MYO9A: variants seen among roughly 807,000 people sequenced by gnomAD.
The protein encoded by MYO9A is myosin IXA.
MYO9A carries 103 observed loss-of-function variants against 293.3 expected under a neutral mutation model. The ratio of observed to expected loss-of-function variants is 0.35; its 90% CI spans 0.30 to 0.41. The LOEUF (loss-of-function observed/expected upper bound fraction) is 0.41, where lower values mean the gene tolerates loss of function less well. MYO9A is among the 10% of genes least tolerant of loss of function. The probability of loss-of-function intolerance (pLI) is 1.00; values close to 1 mark genes in which losing one functional copy is unlikely to be tolerated. For synonymous variants in MYO9A, 1,001 were observed against 1,035.7 expected (o/e 0.97, Z 0.64); for missense variants, 2,685 against 3,033.0 (o/e 0.89, Z 2.69).
intron 1 of MYO9A, among the ~76,000 whole-genome samples, chr15:72,048,614 T>C (rs1273469831): frequency 6.6e-6 from 1 of 152,168 alleles, no homozygotes; most frequent in Admixed American, 6.5e-5. Context: ...CCCCTGAACC[T>C]CTGTTAATTA....
In MYO9A at chr15:71,968,132, T is replaced by TAA; in HGVS notation, c.1845-9_1845-8dup. 3 of 1,407,720 alleles carry TAA rather than the reference T, an allele frequency of 2.1e-6. No individual in the cohort carries two copies. Among genetic ancestry groups the TAA allele is most frequent in the South Asian group, 1.4e-5 (1 of 72,852 alleles). The allele number at this position is 1,407,720 out of a possible 1,614,324, so 87.2% of individuals were successfully genotyped here. On this transcript the variant is annotated splice_polypyrimidine_tract_variant and splice_region_variant and intron_variant, in intron 12 of 41. Transcript: ENST00000356056. ...ATTTGTAGCCTGTGGAAAGCTGAATTAAAAAAAAAAGAAAAAATATCATTA... is the reference window on the plus strand; with the variant it reads ...ATTTGTAGCCTGTGGAAAGCTGAATTAAAAAAAAAAAAGAAAAAATATCATTA...
chr15:71,921,894 T>C (rs1440554335), intron 18 of MYO9A, among the ~76,000 whole-genome samples: 1 of 152,196 alleles, frequency 6.6e-6, no homozygotes, highest in African/African-American at 2.4e-5. Flanking sequence ...TAGCCCCTAA[T>C]GCTTTCTTTG....
At chr15:72,059,512 A>G (rs1431585253) in intron 1 of MYO9A, among the ~76,000 whole-genome samples, 1 of 152,194 alleles carries the variant, frequency 6.6e-6, no homozygotes, top group East Asian at 1.9e-4. Context: ...ATCTGTGTAG[A>G]ATGGGTGTTT....
chr15:71,982,112 C>T (rs965241074), intron 11 of MYO9A, among the ~76,000 whole-genome samples: 4 of 138,536 alleles, frequency 2.9e-5, no homozygotes, highest in African/African-American at 5.3e-5. Context: ...CTCCGCCTCG[C>T]GGGTTCACAC....
rs765264146 is a variant in MYO9A at position 71,906,758 on chromosome 15, C to CTTTCTTTTTTTTTTTT, written c.2686-1753_2686-1752insAAAAAAAAAAAAGAAA. ...CCAATCAGATAATATCCATTTCTTT[C>CTTTCTTTTTTTTTTTT]TTTTTTTTTTTTTTTTTTTTCCTGA... On this transcript the variant is annotated intron_variant, in intron 19 of 41. Transcript: ENST00000356056. Among the ~76,000 whole-genome samples, 29 of 61,034 alleles carry CTTTCTTTTTTTTTTTT rather than the reference C, an allele frequency of 4.8e-4. 2 individuals are homozygous for CTTTCTTTTTTTTTTTT. The highest frequency in any genetic ancestry group is 7.0e-4 in the South Asian group (1 of 1,432). The allele number at this position is 61,034 out of a possible 152,430, so 40.0% of individuals were successfully genotyped here. A position where few individuals can be genotyped will look rare whatever the true frequency, so the allele number is the denominator to read the frequency against.
chr15:72,028,180 G>C (rs890318009), intron 3 of MYO9A, among the ~76,000 whole-genome samples: 9 of 144,190 alleles, frequency 6.2e-5, no homozygotes, highest in African/African-American at 1.8e-4. Flanking sequence ...CTGGGTGACA[G>C]AGTGAGAATC....
intron 25 of MYO9A, among the ~76,000 whole-genome samples, chr15:71,895,294 T>C (rs964326330): frequency 1.3e-5 from 2 of 152,258 alleles, no homozygotes; most frequent in Non-Finnish European, 2.9e-5. Flanking sequence ...TTGATAGTAC[T>C]TGACCACTGC....
At chr15:71,930,047 A>C (rs2058432047) in intron 18 of MYO9A, among the ~76,000 whole-genome samples, 1 of 152,172 alleles carries the variant, frequency 6.6e-6, no homozygotes, top group African/African-American at 2.4e-5. Flanking sequence ...GTGTTGCATC[A>C]TGAAACTATC....
intron 15 of MYO9A, among the ~76,000 whole-genome samples, chr15:71,942,947 T>C (rs1447531351): frequency 6.6e-6 from 1 of 152,062 alleles, no homozygotes; most frequent in African/African-American, 2.4e-5. Context: ...TGAGCATCTG[T>C]TCAGATTACT....
rs9920476 is a variant in MYO9A, at chr15:71,878,945, C to T, written c.5740-714G>A. ...CTAATTTTTGTATTTTTATTAGAGA[C>T]GGGGTTTTACCATATTGCCCAGGCT... On this transcript the variant is annotated intron_variant, in intron 30 of 41. Coordinates refer to ENST00000356056, the MANE Select transcript of MYO9A (RefSeq NM_006901.4). 5.7e-3 allele frequency among the ~76,000 whole-genome samples: 863 copies of T among 151,726 alleles called. 12 individuals carry two copies. The highest frequency in any genetic ancestry group is 0.02 in the African/African-American group (812 of 41,346).
chr15:72,112,367 A>T (rs2080809454), intron 1 of MYO9A, among the ~76,000 whole-genome samples: 1 of 152,206 alleles, frequency 6.6e-6, no homozygotes, highest in African/African-American at 2.4e-5. Flanking sequence ...AACATAATTC[A>T]CATTAAAACC....
intron 39 of MYO9A, among the ~76,000 whole-genome samples, chr15:71,838,004 G>C (rs2055007879): frequency 6.6e-6 from 1 of 152,004 alleles, no homozygotes; most frequent in African/African-American, 2.4e-5. Flanking sequence ...ATATTCTCTT[G>C]TAGTGTTTTT....
intron 2 of MYO9A, among the ~76,000 whole-genome samples, chr15:72,039,428 A>T (rs2078159048): frequency 6.6e-6 from 1 of 151,958 alleles, no homozygotes; most frequent in South Asian, 2.1e-4. Flanking sequence ...AGTGTCTTTA[A>T]AATTTTTGTT....
At chr15:71,879,981 G>C (rs2056823327) in intron 29 of MYO9A, 144 bp from the exon 30 acceptor site, 1 of 624,632 alleles carries the variant, frequency 1.6e-6, no homozygotes, top group East Asian at 2.7e-5. Flanking sequence ...TGAAAGTTAT[G>C]ACTAGACAGT....
intron 11 of MYO9A, among the ~76,000 whole-genome samples, chr15:71,980,479 A>G (rs1393154920): frequency 6.6e-6 from 1 of 152,180 alleles, no homozygotes; most frequent in African/African-American, 2.4e-5. Context: ...ACAAAGAAAA[A>G]ACATTTTCCT....
chr15:72,004,657 G>T (rs12911278), intron 8 of MYO9A, among the ~76,000 whole-genome samples: 1,918 of 152,246 alleles, frequency 0.013, 18 homozygotes, highest in East Asian at 0.025. Flanking sequence ...ACAGTTTTTG[G>T]TAATGATGAT....
chr15:71,986,800 T>A (rs1457242152), intron 11 of MYO9A, among the ~76,000 whole-genome samples: 1 of 152,172 alleles, frequency 6.6e-6, no homozygotes, highest in African/African-American at 2.4e-5. Context: ...AGTAAAAACA[T>A]TACAGTAGGC....
rs1313385835 is a variant in MYO9A at position 71,904,108 on chromosome 15, T to C, written c.2767-69A>G. 6.6e-6 allele frequency: 8 copies of C among 1,212,126 alleles called. No individual in the cohort carries two copies. In the East Asian group the frequency reaches 1.7e-4, roughly 26 times the overall value. 75.1% of individuals were successfully genotyped at this position (1,212,126 alleles called of 1,614,324 possible). On this transcript the variant is annotated intron_variant, in intron 20 of 41. Transcript: ENST00000356056. Reference sequence around the variant, plus strand: ...CAAATTAATTATCTGTTTATAAGCATGACTAACTGTTGAGTATCTAGAGAT... The same window carrying C: ...CAAATTAATTATCTGTTTATAAGCACGACTAACTGTTGAGTATCTAGAGAT...
At chr15:71,865,995 C>G (rs1430587682) in intron 32 of MYO9A, among the ~76,000 whole-genome samples, 1 of 152,252 alleles carries the variant, frequency 6.6e-6, no homozygotes, top group Admixed American at 6.5e-5. Flanking sequence ...TTTATTATTT[C>G]ACCTTCTTCA....
Sources: gnomAD v4.1 joint callset for allele counts (sites outside exome capture counted in the v4.1 genomes callset) on GRCh38, gnomAD v4.1.1 for gene constraint, MANE v1.5 for transcripts, NCBI Gene and HGNC (gene_info 2026-07-23, HGNC 2026-07-21) for gene names.